Variants in LUZP1 observed in about 807,000 individuals in gnomAD.
LUZP1 encodes leucine zipper protein 1.
A neutral mutation model predicts 71.3 loss-of-function variants in LUZP1; 25 were observed. The observed-to-expected ratio is 0.35, with a 90% CI of 0.26 to 0.49. The LOEUF is 0.49. Among genes scored for constraint, LUZP1 ranks in the 20% least tolerant of loss-of-function variants. The pLI is 0.99. For missense variants in LUZP1, 1,142 were observed against 1,300.8 expected, an observed-to-expected ratio of 0.88 and a Z score of 1.88; for synonymous variants, 481 against 506.4, an observed-to-expected ratio of 0.95 and a Z score of 0.67.
intron 2 of LUZP1, among the ~76,000 whole-genome samples, chr1:23,154,517 G>C (rs1219704159): frequency 6.6e-6 from 1 of 151,904 alleles, no homozygotes; most frequent in African/African-American, 2.4e-5. Context: ...CCAGCCTAGG[G>C]AACAGAGTAA....
chr1:23,112,817 A>G (rs897659702), intron 2 of LUZP1, among the ~76,000 whole-genome samples: 1 of 152,174 alleles, frequency 6.6e-6, no homozygotes, highest in African/African-American at 2.4e-5. Context: ...GGAAGTAAGA[A>G]AAAAAAGAGC....
chr1:23,175,995 C>A (rs1644579773), intron 1 of LUZP1, among the ~76,000 whole-genome samples: 1 of 152,028 alleles, frequency 6.6e-6, no homozygotes, highest in South Asian at 2.1e-4. Context: ...GAGTACAAAG[C>A]CCATACTCTA....
intron 2 of LUZP1, among the ~76,000 whole-genome samples, chr1:23,118,043 T>C (rs1015758535): frequency 6.6e-6 from 1 of 151,456 alleles, no homozygotes; most frequent in African/African-American, 2.4e-5. Context: ...CGAGCTGAGA[T>C]TGCGCCACTG....
exon 4 of LUZP1, chr1:23,092,078 C>T (rs1204662594): frequency 6.2e-7 from 1 of 1,614,148 alleles, no homozygotes; most frequent in African/African-American, 1.3e-5. Context: ...CTGGGAGCTC[C>T]ATGGTATTGG....
chr1:23,135,660 T>C (rs150353796), intron 2 of LUZP1, among the ~76,000 whole-genome samples: 1 of 152,336 alleles, frequency 6.6e-6, no homozygotes, highest in East Asian at 1.9e-4. Flanking sequence ...GCTGTACATA[T>C]ATCATAGGTA....
chr1:23,109,087 AAC>A (rs1385303395), exon 3 of LUZP1: 1 of 152,176 alleles, frequency 6.6e-6, no homozygotes, highest in East Asian at 1.9e-4. Flanking sequence ...CTGTTTTGGA[AAC>A]AGTCACTCAC....
At chr1:23,168,477 T>G (rs1280216667) in intron 2 of LUZP1, among the ~76,000 whole-genome samples, 2 of 147,526 alleles carry the variant, frequency 1.4e-5, no homozygotes, top group East Asian at 4.0e-4. Flanking sequence ...AGAAGTCTCC[T>G]CAGAACCTTC....
intron 3 of LUZP1, among the ~76,000 whole-genome samples, chr1:23,098,646 G>A (rs11578046): frequency 0.3 from 45,738 of 151,936 alleles, 6,969 homozygotes; most frequent in Middle Eastern, 0.41. Flanking sequence ...GTCGACAGAC[G>A]GCAGCAACGA....
chr1:23,114,405 G>A (rs903977937), intron 2 of LUZP1, among the ~76,000 whole-genome samples: 13 of 152,176 alleles, frequency 8.5e-5, no homozygotes, highest in South Asian at 2.1e-4. Context: ...TAAACAGGCC[G>A]ATGGCAGGAT....
chr1:23,161,735 C>G (rs1351714250), intron 2 of LUZP1, among the ~76,000 whole-genome samples: 1 of 152,046 alleles, frequency 6.6e-6, no homozygotes, highest in Non-Finnish European at 1.5e-5. Context: ...AAATAAAGAA[C>G]TGAAATGGCC....
intron 2 of LUZP1, among the ~76,000 whole-genome samples, chr1:23,122,827 A>G (rs906492931): frequency 6.6e-6 from 1 of 152,178 alleles, no homozygotes; most frequent in Non-Finnish European, 1.5e-5. Flanking sequence ...TCCTAATGCT[A>G]TGAACACAGT....
At chr1:23,142,183 A>G (rs1644308395) in intron 2 of LUZP1, among the ~76,000 whole-genome samples, 1 of 151,858 alleles carries the variant, frequency 6.6e-6, no homozygotes. Flanking sequence ...TTGTAGAAAC[A>G]GGATCTTGCT....
At chr1:23,132,484 A>G (rs1644222658) in intron 2 of LUZP1, among the ~76,000 whole-genome samples, 2 of 149,892 alleles carry the variant, frequency 1.3e-5, no homozygotes, top group Non-Finnish European at 3.0e-5. Flanking sequence ...CTTATCTACT[A>G]TTGTTCTTCA....
At position 23,093,079 on chromosome 1, in the gene LUZP1, G is replaced by A. The variant is rs1643872613; in HGVS notation, c.1183C>T (p.Pro395Ser). Residue 395 changes from proline to serine, a missense_variant, in exon 4 of 5, where the codon CCT (proline) becomes TCT (serine). By Grantham distance (74) the Pro-to-Ser change is moderately conservative. Transcript: ENST00000302291. The surrounding 1 kb of genome is among the most constrained non-coding windows in gnomAD (Gnocchi z 4.2). Reference sequence around the variant, plus strand: ...CGGAGTCGTTCCCGCTTATGCTGAGGAGACAGTTCCCGCGCTGTGTGCTTG... The same window carrying A: ...CGGAGTCGTTCCCGCTTATGCTGAGAAGACAGTTCCCGCGCTGTGTGCTTG... The A allele has an allele frequency of 6.2e-7, 1 of 1,614,018 alleles. No homozygotes were observed. Among genetic ancestry groups the A allele is most frequent in the Admixed American group, 1.7e-5 (1 of 60,004 alleles).
chr1:23,136,794 G>A (rs1474334838), intron 2 of LUZP1, among the ~76,000 whole-genome samples: 1 of 152,160 alleles, frequency 6.6e-6, no homozygotes, highest in African/African-American at 2.4e-5. Context: ...GTGGGTGCCT[G>A]TAGTCCCAGC....
rs1175058418 is a variant in LUZP1, at chr1:23,117,495, A to T, written c.-225-8368T>A. On this transcript the variant is annotated intron_variant, in intron 2 of 4. Coordinates refer to ENST00000302291, the Ensembl canonical transcript of LUZP1. ...TCTCTCTCCCCCCCCCCCCCCCACA[A>T]TCAGGAAGCCCTGGGGGGGGGGGCG... Among the ~76,000 whole-genome samples, 147 of 21,864 alleles carry T rather than the reference A, an allele frequency of 6.7e-3. 3 individuals carry two copies. Among genetic ancestry groups the T allele is most frequent in the Non-Finnish European group, 9.4e-3 (127 of 13,476 alleles). 14.3% of individuals were successfully genotyped at this position (21,864 alleles called of 152,430 possible).
Position 23,149,859 on chromosome 1 carries a change from G to A in LUZP1, c.-226+18907C>T, listed in dbSNP as rs201829885. Among the ~76,000 whole-genome samples, 48 of 150,706 alleles carry A rather than the reference G, an allele frequency of 3.2e-4. No homozygotes were observed. In the East Asian group the frequency reaches 9.4e-3, roughly 30 times the overall value. On this transcript the variant is annotated intron_variant, in intron 2 of 4. Transcript: ENST00000302291. ...CGCCTGTAATCCCAGCTACTCGGGA[G>A]GCTGAGGCAGGAGAATTGCTTGAAC...
chr1:23,138,997 C>CAAAAA (rs535524035), intron 2 of LUZP1, among the ~76,000 whole-genome samples: 14 of 21,576 alleles, frequency 6.5e-4, no homozygotes, highest in East Asian at 1.4e-3. Flanking sequence ...GACTCCATCT[C>CAAAAA]AAAAAAAAAA....
intron 3 of LUZP1, among the ~76,000 whole-genome samples, chr1:23,104,669 C>CT: frequency 6.6e-6 from 1 of 152,248 alleles, no homozygotes; most frequent in Non-Finnish European, 1.5e-5. Context: ...TTTTTCAGTC[C>CT]TGGGCACTGA....
Sources: gnomAD v4.1 joint callset for allele counts (sites outside exome capture counted in the v4.1 genomes callset) on GRCh38, gnomAD v4.1.1 for gene constraint, Gnocchi (gnomAD v3.1) non-coding constraint, MANE v1.5 for transcripts, NCBI Gene and HGNC (gene_info 2026-07-23, HGNC 2026-07-21) for gene names.